DGKB: variants seen among roughly 807,000 people sequenced by gnomAD.
The protein encoded by DGKB is diacylglycerol kinase beta, also known as 90 kDa diacylglycerol kinase.
DGKB carries 67 observed loss-of-function variants against 114.3 expected under a neutral mutation model. The ratio of observed to expected loss-of-function variants is 0.59; its 90% CI spans 0.48 to 0.72. The LOEUF (loss-of-function observed/expected upper bound fraction) is 0.72. DGKB is among the 30% of genes least tolerant of loss of function. The probability of loss-of-function intolerance (pLI) is 0.00; values close to 1 mark genes in which losing one functional copy is unlikely to be tolerated. For missense variants in DGKB, 907 were observed against 975.2 expected (o/e 0.93, Z 0.93); for synonymous variants, 398 against 323.1 (o/e 1.23, Z -2.49).
intron 23 of DGKB, among the ~76,000 whole-genome samples, chr7:14,295,880 G>C (rs1293983729): frequency 6.6e-6 from 1 of 151,860 alleles, no homozygotes; most frequent in African/African-American, 2.4e-5. Flanking sequence ...ACAGGCCCCA[G>C]TGTGTGTGAT....
chr7:14,264,295 T>G (rs1293456169), intron 23 of DGKB, among the ~76,000 whole-genome samples: 5 of 152,206 alleles, frequency 3.3e-5, no homozygotes, highest in African/African-American at 1.2e-4. Flanking sequence ...ATCAGAAATT[T>G]ATCTGAAATA....
intron 23 of DGKB, among the ~76,000 whole-genome samples, chr7:14,291,554 A>G (rs1316673243): frequency 2.0e-5 from 3 of 152,156 alleles, no homozygotes; most frequent in Non-Finnish European, 4.4e-5. Context: ...TCTTTATTAT[A>G]GGGAATCTAC....
intron 20 of DGKB, among the ~76,000 whole-genome samples, chr7:14,526,471 T>A (rs774196168): frequency 1.5e-4 from 23 of 152,194 alleles, no homozygotes; most frequent in Non-Finnish European, 3.2e-4. Flanking sequence ...TTTTAATTAC[T>A]TTCCAAAAGA....
chr7:14,535,719 C>A (rs886139224), intron 20 of DGKB, among the ~76,000 whole-genome samples: 1 of 152,066 alleles, frequency 6.6e-6, no homozygotes, highest in Non-Finnish European at 1.5e-5. Context: ...TCCTGAGTAA[C>A]TGGGATTACA....
chr7:14,929,375 C>T (rs377125834), intron 1 of DGKB, among the ~76,000 whole-genome samples: 12 of 152,014 alleles, frequency 7.9e-5, no homozygotes, highest in African/African-American at 2.7e-4. Flanking sequence ...CCATTATCTC[C>T]GCATCCTCAC....
chr7:14,927,630 G>T (rs1784814321), intron 1 of DGKB, among the ~76,000 whole-genome samples: 1 of 151,836 alleles, frequency 6.6e-6, no homozygotes, highest in African/African-American at 2.4e-5. Flanking sequence ...TTTTAAAAAG[G>T]TGTATTGTTT....
chr7:14,146,803 T>C lies in DGKB; in HGVS notation c.*2328A>G, dbSNP rs1454040348. ...ATGTAACCACTATTAGCACTAATTG[T>C]AGTTATACAGCTACACTGAAGTGAA... On this transcript the variant is annotated 3_prime_UTR_variant, in exon 26 of 26. Coordinates refer to ENST00000402815, the MANE Select transcript of DGKB (RefSeq NM_001350709.2). 6.6e-6 allele frequency: 1 copy of C among 152,158 alleles called. No individual in the cohort carries two copies. The highest frequency in any genetic ancestry group is 1.5e-5 in the Non-Finnish European group (1 of 68,008). 9.4% of individuals were successfully genotyped at this position (152,158 alleles called of 1,614,324 possible).
chr7:14,644,103 A>C (rs927215880), intron 13 of DGKB, among the ~76,000 whole-genome samples: 5 of 145,186 alleles, frequency 3.4e-5, no homozygotes, highest in African/African-American at 1.3e-4. Flanking sequence ...TATGCTACTG[A>C]TTTGATTACA....
At chr7:14,580,777 TTTTG>T in intron 19 of DGKB, 81 bp downstream of exon 19, 1 of 942,832 alleles carries the variant, frequency 1.1e-6, no homozygotes, top group Non-Finnish European at 1.6e-6. Context: ...ATCATATCGT[TTTTG>T]TTTCTTTTCT....
At chr7:14,545,913 G>C (rs1015057604) in intron 20 of DGKB, among the ~76,000 whole-genome samples, 1 of 152,202 alleles carries the variant, frequency 6.6e-6, no homozygotes, top group African/African-American at 2.4e-5. Context: ...TCTGGACTTT[G>C]ACCAGTCTGC....
intron 2 of DGKB, among the ~76,000 whole-genome samples, chr7:14,758,374 A>G (rs1452379890): frequency 6.6e-6 from 1 of 152,094 alleles, no homozygotes; most frequent in African/African-American, 2.4e-5. Context: ...AAAGTTAAAT[A>G]CATTAATATG....
At chr7:14,461,349 T>C (rs1584118595) in intron 21 of DGKB, among the ~76,000 whole-genome samples, 1 of 147,780 alleles carries the variant, frequency 6.8e-6, no homozygotes, top group South Asian at 2.1e-4. Flanking sequence ...ATAAACAAAA[T>C]AGACCACTAG....
intron 5 of DGKB, among the ~76,000 whole-genome samples, chr7:14,721,890 C>T (rs949927631): frequency 6.6e-6 from 1 of 152,138 alleles, no homozygotes; most frequent in Non-Finnish European, 1.5e-5. Flanking sequence ...TTGAGGCTCA[C>T]AACAAAATTG....
chr7:14,339,433 A>C (rs1811245710), intron 22 of DGKB, among the ~76,000 whole-genome samples: 1 of 151,880 alleles, frequency 6.6e-6, no homozygotes, highest in Non-Finnish European at 1.5e-5. Context: ...TGCTGCAAAA[A>C]TGGTTAAAAA....
intron 20 of DGKB, among the ~76,000 whole-genome samples, chr7:14,500,779 T>C (rs951961792): frequency 4.0e-5 from 6 of 151,710 alleles, no homozygotes; most frequent in African/African-American, 1.5e-4. Context: ...TGAAGGACAG[T>C]GAGAAAAGTG....
At chr7:14,229,950 T>C (rs1021930715) in intron 23 of DGKB, among the ~76,000 whole-genome samples, 3 of 152,014 alleles carry the variant, frequency 2.0e-5, no homozygotes, top group African/African-American at 4.8e-5. Context: ...TGCAATGTAA[T>C]GAAATTTTCC....
intron 1 of DGKB, among the ~76,000 whole-genome samples, chr7:14,848,167 T>C (rs542370044): frequency 1.3e-5 from 2 of 152,290 alleles, no homozygotes; most frequent in East Asian, 1.9e-4. Context: ...GTTCCAATAT[T>C]GTGTGAGAGC....
chr7:14,188,397 A>G lies in DGKB; in HGVS notation c.2123-10246T>C, dbSNP rs1296192877. Among the ~76,000 whole-genome samples, 2 of 120,594 alleles carry G rather than the reference A, an allele frequency of 1.7e-5. 1 individual carries two copies. The highest frequency in any genetic ancestry group is 5.8e-5 in the African/African-American group (2 of 34,196). 79.1% of individuals were successfully genotyped at this position (120,594 alleles called of 152,430 possible). A position where few individuals can be genotyped will look rare whatever the true frequency, so the allele number is the denominator to read the frequency against. ...CCCAATTGGCCGGGCGCGGTGGCTC[A>G]CGCCTGTAATCCCAGCACTTTGGGA... On this transcript the variant is annotated intron_variant, in intron 23 of 25. Coordinates refer to ENST00000402815, the MANE Select transcript of DGKB (RefSeq NM_001350709.2).
chr7:14,461,303 A>G lies in DGKB; in HGVS notation c.1835+16858T>C, dbSNP rs546659873. On this transcript the variant is annotated intron_variant, in intron 21 of 25. Coordinates refer to ENST00000402815, the MANE Select transcript of DGKB (RefSeq NM_001350709.2). ...CACATACACAAAAACCCTTCAAAAA[A>G]TCAATGAATCCAGGAGCTGTTTTTT... Among the ~76,000 whole-genome samples the G allele has an allele frequency of 4.0e-3, 584 of 147,504 alleles. 4 individuals are homozygous for G. The highest frequency in any genetic ancestry group is 0.014 in the Middle Eastern group (4 of 294).
Sources: gnomAD v4.1 joint callset for allele counts (sites outside exome capture counted in the v4.1 genomes callset) on GRCh38, gnomAD v4.1.1 for gene constraint, MANE v1.5 for transcripts, NCBI Gene and HGNC (gene_info 2026-07-23, HGNC 2026-07-21) for gene names.